Variants in LGALS8 observed in about 807,000 individuals in gnomAD.
LGALS8 encodes galectin 8.
In LGALS8, 30 loss-of-function variants were observed where a neutral mutation model predicts 35.9. The observed-to-expected ratio is 0.83, with a 90% confidence interval of 0.62 to 1.13. LGALS8 has a LOEUF of 1.13. LGALS8 is among the 50% of genes most tolerant of loss of function. LGALS8 has a pLI of 0.00. For missense variants in LGALS8, 366 were observed against 388.7 expected (o/e 0.94, Z 0.49); for synonymous variants, 138 against 136.1 (o/e 1.01, Z -0.10).
chr1:236,551,813 C>T lies in LGALS8; in HGVS notation c.*3652C>T, dbSNP rs1440536592. The T allele has an allele frequency of 7.2e-6, 4 of 551,840 alleles. No homozygotes were observed. Among genetic ancestry groups the T allele is most frequent in the African/African-American group, 1.9e-5 (1 of 52,434 alleles). The allele number at this position is 551,840 out of a possible 1,614,324, so 34.2% of individuals were successfully genotyped here. ...GAGGTGGTCACTTCGCAACTTGCTC[C>T]CTCCACCCAACTCAAAACAGGAGCT... On this transcript the variant is annotated 3_prime_UTR_variant, in exon 10 of 10. Transcript: ENST00000366584.
chr1:236,540,375 T>C lies in LGALS8; in HGVS notation c.346-189T>C, dbSNP rs533270976. 7 of 505,974 alleles carry C rather than the reference T, an allele frequency of 1.4e-5. No individual in the cohort carries two copies. The East Asian group carries it at 2.3e-4, about 17-fold the overall frequency. The allele number at this position is 505,974 out of a possible 1,614,324, so 31.3% of individuals were successfully genotyped here. ...CCTGGTGCTTAATCAAATCAGGAAC[T>C]CAAAAGAAGTTTGGAAGCACTGCTA... On this transcript the variant is annotated intron_variant, in intron 4 of 9. Transcript: ENST00000366584.
At chr1:236,528,394 A>AC (rs59990280) in intron 2 of LGALS8, among the ~76,000 whole-genome samples, 84,963 of 145,550 alleles carry the variant, frequency 0.58, 26,534 homozygotes, top group Non-Finnish European at 0.69. Context: ...AAAAAAAAAA[A>AC]CCCCCCCACA....
At position 236,548,568 on chromosome 1, in the gene LGALS8, C is replaced by T. The variant is rs1417555803; in HGVS notation, c.*407C>T. 7.7e-6 allele frequency: 2 copies of T among 258,418 alleles called. No individual in the cohort carries two copies. The highest frequency in any genetic ancestry group is 5.2e-5 in the Admixed American group (1 of 19,260). 16.0% of individuals were successfully genotyped at this position (258,418 alleles called of 1,614,324 possible). A position where few individuals can be genotyped will look rare whatever the true frequency, so the allele number is the denominator to read the frequency against. ...GTATGTTCCCTGTTCTCTTGAGCTT[C>T]GACTCTTCTGTGCGCTACTGCTGCG... On this transcript the variant is annotated 3_prime_UTR_variant, in exon 10 of 10. Transcript: ENST00000366584.
At chr1:236,534,251 C>T (rs819426) in intron 2 of LGALS8, among the ~76,000 whole-genome samples, 58,623 of 151,810 alleles carry the variant, frequency 0.39, 12,153 homozygotes, top group South Asian at 0.54. Flanking sequence ...ATTTTCACTC[C>T]ATGTTTCCTG....
chr1:236,529,004 A>G (rs1660991335), intron 2 of LGALS8, among the ~76,000 whole-genome samples: 1 of 152,254 alleles, frequency 6.6e-6, no homozygotes, highest in South Asian at 2.1e-4. Context: ...GGCTGGGTCC[A>G]GAGGCTCATG....
At chr1:236,535,418 A>G (rs971449185) in intron 2 of LGALS8, among the ~76,000 whole-genome samples, 1 of 151,744 alleles carries the variant, frequency 6.6e-6, no homozygotes, top group East Asian at 1.9e-4. Context: ...TAATGTTTAT[A>G]TTTATTTAGT....
intron 6 of LGALS8, 90 bp downstream of exon 6, chr1:236,541,800 A>G: frequency 1.6e-6 from 1 of 642,302 alleles, no homozygotes; most frequent in South Asian, 2.4e-5. Flanking sequence ...TGGGTTTTTG[A>G]AAATTATGCT....
At position 236,551,828 on chromosome 1, in the gene LGALS8, A is replaced by G. The variant is rs1662760272; in HGVS notation, c.*3667A>G. On this transcript the variant is annotated 3_prime_UTR_variant, in exon 10 of 10. Coordinates refer to ENST00000366584, the MANE Select transcript of LGALS8 (RefSeq NM_201544.4). ...CAACTTGCTCCCTCCACCCAACTCA[A>G]AACAGGAGCTCGAGCCTGCCTGTAT... 1 of 568,178 alleles carries G rather than the reference A, an allele frequency of 1.8e-6. No individual in the cohort carries two copies. The highest frequency in any genetic ancestry group is 1.9e-5 in the African/African-American group (1 of 52,816). 35.2% of individuals were successfully genotyped at this position (568,178 alleles called of 1,614,324 possible).
intron 2 of LGALS8, among the ~76,000 whole-genome samples, chr1:236,529,329 C>T (rs1286015945): frequency 6.6e-6 from 1 of 151,966 alleles, no homozygotes; most frequent in East Asian, 1.9e-4. Context: ...TGCCTGTAAT[C>T]CCAGCACTTT....
In LGALS8 at chr1:236,551,119, AT is replaced by A. The variant is rs1572027280; in HGVS notation, c.*2960del. 9.4e-6 allele frequency: 7 copies of A among 744,020 alleles called. No individual in the cohort carries two copies. The East Asian group carries it at 1.9e-4, about 21-fold the overall frequency. 46.1% of individuals were successfully genotyped at this position (744,020 alleles called of 1,614,324 possible). On this transcript the variant is annotated 3_prime_UTR_variant, in exon 10 of 10. Transcript: ENST00000366584. Reference sequence around the variant, plus strand: ...CAATCAAAAGAGTGAAATGAAGCACATTAACAAAGCAGGAGGCGCCACGGAC... The same window carrying A: ...CAATCAAAAGAGTGAAATGAAGCACATAACAAAGCAGGAGGCGCCACGGAC...
At chr1:236,521,093 G>A (rs977671220), upstream of LGALS8, among the ~76,000 whole-genome samples, 4 of 152,118 alleles carry the variant, frequency 2.6e-5, no homozygotes, top group African/African-American at 4.8e-5. Context: ...AAGCTTCCTC[G>A]AAACAAGAAC....
rs754439215 is a variant in LGALS8 at position 236,548,351 on chromosome 1, T to G, written c.*190T>G. On this transcript the variant is annotated 3_prime_UTR_variant, in exon 10 of 10. Transcript: ENST00000366584. ...GGTGTCTAGCACTGAATGGGGAAAC[T>G]GGGGGCAGCAACACTTATAGCCAGT... The G allele has an allele frequency of 8.5e-6, 5 of 589,770 alleles. No individual in the cohort carries two copies. The highest frequency in any genetic ancestry group is 4.2e-5 in the South Asian group (2 of 47,062). The allele number at this position is 589,770 out of a possible 1,614,324, so 36.5% of individuals were successfully genotyped here.
intron 2 of LGALS8, among the ~76,000 whole-genome samples, chr1:236,534,653 T>G (rs1389608088): frequency 6.6e-6 from 1 of 150,940 alleles, no homozygotes; most frequent in African/African-American, 2.4e-5. Flanking sequence ...TTTTCTGAAG[T>G]AGAAGGCATG....
rs147655611 is a variant in LGALS8, at chr1:236,531,607, G to A, written c.45+5492G>A. Among the ~76,000 whole-genome samples the A allele has an allele frequency of 2.7e-3, 404 of 152,284 alleles. 1 individual carries two copies. Among genetic ancestry groups the A allele is most frequent in the Non-Finnish European group, 4.2e-3 (288 of 68,012 alleles). On this transcript the variant is annotated intron_variant, in intron 2 of 9. Transcript: ENST00000366584. ...CCCAAAGTGCTGGGATTACAGGTGT[G>A]AGCCACCGCGCCCGGCCCCATTTTA... is the stretch of plus-strand genomic sequence containing the variant.
intron 4 of LGALS8, among the ~76,000 whole-genome samples, chr1:236,539,906 G>C (rs1661855448): frequency 6.6e-6 from 1 of 152,136 alleles, no homozygotes; most frequent in African/African-American, 2.4e-5. Flanking sequence ...CCCTGAGTCA[G>C]AGACTATATT....
At chr1:236,539,371 C>T (rs1358027018) in intron 4 of LGALS8, 2 of 430,522 alleles carry the variant, frequency 4.6e-6, no homozygotes, top group Non-Finnish European at 8.7e-6. Flanking sequence ...CGAATTGACA[C>T]AGTATTATGT....
rs1481898853 is a variant in LGALS8, at chr1:236,548,860, C to CA, written c.*705dup. The CA allele has an allele frequency of 7.5e-6, 3 of 398,172 alleles. No homozygotes were observed. The highest frequency in any genetic ancestry group is 4.1e-5 in the African/African-American group (2 of 48,568). The allele number at this position is 398,172 out of a possible 1,614,324, so 24.7% of individuals were successfully genotyped here. A position where few individuals can be genotyped will look rare whatever the true frequency, so the allele number is the denominator to read the frequency against. The stretch of plus-strand genomic sequence containing the variant: ...TGACATCTGAGCACAGAAATTAAGG[C>CA]AAAAAACCAAAGCAAAACAAATACA... On this transcript the variant is annotated 3_prime_UTR_variant, in exon 10 of 10. Coordinates refer to ENST00000366584, the MANE Select transcript of LGALS8 (RefSeq NM_201544.4).
rs1019711641 is a variant in LGALS8, at chr1:236,548,748, C to T, written c.*587C>T. The T allele has an allele frequency of 2.6e-6, 1 of 386,214 alleles. No individual in the cohort carries two copies. The highest frequency in any genetic ancestry group is 3.6e-5 in the East Asian group (1 of 27,618). The allele number at this position is 386,214 out of a possible 1,614,324, so 23.9% of individuals were successfully genotyped here. On this transcript the variant is annotated 3_prime_UTR_variant, in exon 10 of 10. Transcript: ENST00000366584. ...ACCAGTGCTCTACCGTATCCCATCA[C>T]TGAGGACTGATGTTGACTGACATCA...
rs139154219 is a variant in LGALS8 at position 236,538,227 on chromosome 1, G to A, written c.134+642G>A. On this transcript the variant is annotated intron_variant, in intron 3 of 9. Transcript: ENST00000366584. The stretch of plus-strand genomic sequence containing the variant: ...GTTCAGATGGTTTTACTGAATACCT[G>A]CTTTGGATACAAGCTGTGGTATCAT... Among the ~76,000 whole-genome samples, 8 of 152,220 alleles carry A rather than the reference G, an allele frequency of 5.3e-5. No homozygotes were observed. The East Asian group carries it at 1.5e-3, about 29-fold the overall frequency.
Sources: allele counts gnomAD v4.1 joint callset (sites outside exome capture counted in the v4.1 genomes callset), GRCh38; gene constraint gnomAD v4.1.1; transcripts MANE v1.5; gene names NCBI Gene and HGNC (gene_info 2026-07-23, HGNC 2026-07-21).